RIMS2: variants seen among roughly 807,000 people sequenced by gnomAD.
The protein encoded by RIMS2 is regulating synaptic membrane exocytosis 2, also known as regulating synaptic membrane exocytosis protein 2.
Under a neutral mutation model 174.4 loss-of-function variants are expected in RIMS2, and 59 were observed. The observed-to-expected ratio is 0.34, with a 90% CI of 0.27 to 0.42. RIMS2 has a LOEUF of 0.42. Among genes scored for constraint, RIMS2 ranks in the 10% least tolerant of loss-of-function variants. The pLI, the probability that RIMS2 is intolerant of heterozygous loss-of-function variation, is 1.00. For missense variants in RIMS2, 1,620 were observed against 1,666.3 expected (o/e 0.97, Z 0.48); for synonymous variants, 606 against 572.5 (o/e 1.06, Z -0.84).
At chr8:103,681,605 A>G (rs1003795101) in intron 1 of RIMS2, among the ~76,000 whole-genome samples, 1 of 152,096 alleles carries the variant, frequency 6.6e-6, no homozygotes, top group African/African-American at 2.4e-5. Flanking sequence ...AATATAGTCT[A>G]TAATGGGATG....
chr8:103,623,639 C>G (rs1371667282), intron 1 of RIMS2, among the ~76,000 whole-genome samples: 11 of 149,350 alleles, frequency 7.4e-5, no homozygotes, highest in Non-Finnish European at 1.5e-4. Flanking sequence ...CGCCCGCCAC[C>G]ACGCCCGGCT....
intron 1 of RIMS2, among the ~76,000 whole-genome samples, chr8:103,522,843 G>A (rs1478500017): frequency 1.3e-5 from 2 of 152,128 alleles, no homozygotes; most frequent in African/African-American, 4.8e-5. Context: ...GAAATTGAGT[G>A]TGATATAGTG....
At chr8:103,507,319 GATTT>G (rs1434582869) in intron 1 of RIMS2, among the ~76,000 whole-genome samples, 1 of 151,904 alleles carries the variant, frequency 6.6e-6, no homozygotes, top group African/African-American at 2.4e-5. Flanking sequence ...AATTTATAAT[GATTT>G]ATTTACTTGT....
At chr8:103,883,765 T>C (rs1407585751) in intron 3 of RIMS2, among the ~76,000 whole-genome samples, 2 of 151,718 alleles carry the variant, frequency 1.3e-5, no homozygotes, top group African/African-American at 4.8e-5. Flanking sequence ...TTGTCAAGCA[T>C]TAGTTGTTGG....
At chr8:103,610,098 G>C (rs573836044) in intron 1 of RIMS2, among the ~76,000 whole-genome samples, 2 of 151,984 alleles carry the variant, frequency 1.3e-5, no homozygotes, top group Admixed American at 6.6e-5. Context: ...TGGCAGTTGC[G>C]AATGGAACTG....
At chr8:103,832,296 G>A (rs925386133) in intron 3 of RIMS2, among the ~76,000 whole-genome samples, 195 of 152,096 alleles carry the variant, frequency 1.3e-3, no homozygotes, top group African/African-American at 4.5e-3. Context: ...TTTGAATTTA[G>A]GCATTTGTTT....
chr8:103,547,136 G>A (rs892671835), intron 1 of RIMS2, among the ~76,000 whole-genome samples: 1 of 152,102 alleles, frequency 6.6e-6, no homozygotes, highest in African/African-American at 2.4e-5. Context: ...TAGGCCACTG[G>A]TATTTGTTAG....
chr8:103,758,692 T>C (rs1022876370), intron 2 of RIMS2, among the ~76,000 whole-genome samples: 1 of 152,198 alleles, frequency 6.6e-6, no homozygotes, highest in Non-Finnish European at 1.5e-5. Context: ...ATTTATTCAT[T>C]TATAAGTTAA....
chr8:103,890,731 T>C (rs2099239182), intron 4 of RIMS2, among the ~76,000 whole-genome samples: 2 of 152,010 alleles, frequency 1.3e-5, no homozygotes, highest in African/African-American at 4.8e-5. Flanking sequence ...GAGGTAAGTC[T>C]TAGATTGCTA....
chr8:103,966,015 T>G (rs1406098293), intron 15 of RIMS2, among the ~76,000 whole-genome samples: 1 of 152,152 alleles, frequency 6.6e-6, no homozygotes, highest in Admixed American at 6.5e-5. Flanking sequence ...GTATAATTCT[T>G]TTTATACATT....
chr8:103,915,648 T>C (rs2076507431), intron 7 of RIMS2, 54 bp downstream of exon 10: 5 of 831,134 alleles, frequency 6.0e-6, no homozygotes, highest in East Asian at 2.7e-5. Flanking sequence ...TTAGTAGTTA[T>C]GAGTTATTTT....
chr8:104,236,273 T>C (rs2099258170), intron 19 of RIMS2, among the ~76,000 whole-genome samples: 1 of 152,068 alleles, frequency 6.6e-6, no homozygotes, highest in South Asian at 2.1e-4. Context: ...TTTCTCTCTA[T>C]GGAAAACATA....
chr8:103,575,779 G>T (rs796981253), intron 1 of RIMS2, among the ~76,000 whole-genome samples: 23 of 151,658 alleles, frequency 1.5e-4, no homozygotes, highest in African/African-American at 5.1e-4. Context: ...AGACTACAGA[G>T]AATTGAAAAA....
intron 19 of RIMS2, among the ~76,000 whole-genome samples, chr8:104,210,810 G>A (rs1459206230): frequency 6.6e-6 from 1 of 152,130 alleles, no homozygotes; most frequent in Non-Finnish European, 1.5e-5. Context: ...GTGCTACATG[G>A]TATAACCTGA....
intron 1 of RIMS2, among the ~76,000 whole-genome samples, chr8:103,646,907 G>A (rs949704996): frequency 2.6e-5 from 4 of 152,102 alleles, no homozygotes; most frequent in Non-Finnish European, 5.9e-5. Flanking sequence ...TCCTTGTCTT[G>A]TGCTCATTTT....
At chr8:103,603,527 TG>T (rs1175458046) in intron 1 of RIMS2, among the ~76,000 whole-genome samples, 1 of 152,174 alleles carries the variant, frequency 6.6e-6, no homozygotes, top group East Asian at 1.9e-4. Flanking sequence ...ATGGGATGGC[TG>T]GGTCAAGTGG....
chr8:104,138,551 T>G (rs1031880856), intron 19 of RIMS2, among the ~76,000 whole-genome samples: 5 of 152,210 alleles, frequency 3.3e-5, no homozygotes, highest in African/African-American at 4.8e-5. Flanking sequence ...CTCATGTACC[T>G]GTTTGCCATT....
At chr8:104,247,181 A>G (rs913312359) in intron 20 of RIMS2, among the ~76,000 whole-genome samples, 3 of 152,206 alleles carry the variant, frequency 2.0e-5, no homozygotes, top group Non-Finnish European at 4.4e-5. Flanking sequence ...GTGGGTAATG[A>G]GAGAAAAGAG....
At chr8:103,926,854 A>G in intron 10 of RIMS2, among the ~76,000 whole-genome samples, 1 of 151,580 alleles carries the variant, frequency 6.6e-6, no homozygotes, top group Non-Finnish European at 1.5e-5. Flanking sequence ...AAACTGTTTC[A>G]ACATGAAAAC....
Sources: allele counts gnomAD v4.1 joint callset (sites outside exome capture counted in the v4.1 genomes callset), GRCh38; gene constraint gnomAD v4.1.1; transcripts MANE v1.5; gene names NCBI Gene and HGNC (gene_info 2026-07-23, HGNC 2026-07-21).